The following GNAQ variants were observed in gnomAD, a reference collection of about 807,000 sequenced individuals.
GNAQ encodes G protein subunit alpha q, also known as guanine nucleotide-binding protein G(q) subunit alpha.
Under a neutral mutation model 43.9 loss-of-function variants are expected in GNAQ, and 8 were observed. The observed-to-expected ratio is 0.18, with a 90% CI of 0.11 to 0.33. The LOEUF (loss-of-function observed/expected upper bound fraction) is 0.33, where lower values mean the gene tolerates loss of function less well. GNAQ is among the 10% of genes least tolerant of loss of function. The probability of loss-of-function intolerance (pLI) is 1.00; values close to 1 mark genes in which losing one functional copy is unlikely to be tolerated. For missense variants in GNAQ, 158 were observed against 450.8 expected (o/e 0.35, Z 5.88); for synonymous variants, 155 against 170.7 (o/e 0.91, Z 0.71).
chr9:77,826,643 C>A (rs80066976), intron 2 of GNAQ, among the ~76,000 whole-genome samples: 2,330 of 152,314 alleles, frequency 0.015, 56 homozygotes, highest in African/African-American at 0.053. Context: ...GAGTCAAACA[C>A]ATTGAATCAA....
Position 77,862,008 on chromosome 9 carries a change from T to TG in GNAQ, c.322-46239_322-46238insC, listed in dbSNP as rs1323451666. ...GGACAGAGCAAGACTCTGTCTGGGG[T>TG]AAAAAAAAAAAAAAAAAAAAAAAGA... On this transcript the variant is annotated intron_variant, in intron 2 of 6. Transcript: ENST00000286548. 2.5e-4 allele frequency among the ~76,000 whole-genome samples: 29 copies of TG among 118,106 alleles called. 5 individuals carry two copies. Among genetic ancestry groups the TG allele is most frequent in the East Asian group, 5.0e-4 (2 of 3,962 alleles). 77.5% of individuals were successfully genotyped at this position (118,106 alleles called of 152,430 possible).
chr9:77,980,320 G>A (rs1483095768), intron 1 of GNAQ, among the ~76,000 whole-genome samples: 2 of 152,092 alleles, frequency 1.3e-5, no homozygotes, highest in African/African-American at 2.4e-5. Context: ...AGTGTCTCTC[G>A]AATTAGCCAC....
intron 3 of GNAQ, among the ~76,000 whole-genome samples, chr9:77,801,577 C>T (rs1247906042): frequency 6.6e-6 from 1 of 152,110 alleles, no homozygotes; most frequent in African/African-American, 2.4e-5. Flanking sequence ...TTTTGCTTTG[C>T]CTCAGTTGAA....
intron 1 of GNAQ, among the ~76,000 whole-genome samples, chr9:77,969,936 G>C (rs1290609817): frequency 6.6e-6 from 1 of 152,162 alleles, no homozygotes; most frequent in Non-Finnish European, 1.5e-5. Flanking sequence ...TCTGAACCTT[G>C]TTACGAAAGT....
chr9:77,994,990 C>T (rs1240073525), intron 1 of GNAQ, among the ~76,000 whole-genome samples: 1 of 152,128 alleles, frequency 6.6e-6, no homozygotes, highest in Non-Finnish European at 1.5e-5. Flanking sequence ...TTAGACTTTA[C>T]AAAGTGAGAA....
At chr9:77,789,081 G>A (rs577314290) in intron 5 of GNAQ, among the ~76,000 whole-genome samples, 1 of 152,206 alleles carries the variant, frequency 6.6e-6, no homozygotes, top group South Asian at 2.1e-4. Flanking sequence ...TAAATCTGTG[G>A]CCTACCATTA....
intron 2 of GNAQ, among the ~76,000 whole-genome samples, chr9:77,919,789 G>A (rs746621643): frequency 7.2e-5 from 11 of 152,078 alleles, no homozygotes; most frequent in Non-Finnish European, 1.2e-4. Context: ...ATATTGTAAC[G>A]TTTTATGATG....
chr9:77,842,542 CTA>C (rs1485657920), intron 2 of GNAQ, among the ~76,000 whole-genome samples: 1 of 152,132 alleles, frequency 6.6e-6, no homozygotes, highest in African/African-American at 2.4e-5. Flanking sequence ...TTTCTATTTG[CTA>C]TGTTTTGGAG....
At chr9:78,024,262 C>T (rs888292863) in intron 1 of GNAQ, among the ~76,000 whole-genome samples, 5 of 152,126 alleles carry the variant, frequency 3.3e-5, no homozygotes, top group African/African-American at 9.7e-5. Context: ...ATCTTTAAAA[C>T]GGAATTCCTT....
chr9:77,996,445 C>T (rs180916920), intron 1 of GNAQ, among the ~76,000 whole-genome samples: 2 of 152,026 alleles, frequency 1.3e-5, no homozygotes, highest in East Asian at 3.9e-4. Flanking sequence ...TTTGGGAAGC[C>T]GAGGCGGGCG....
chr9:77,921,775 A>G (rs1829000141), intron 2 of GNAQ, among the ~76,000 whole-genome samples: 1 of 152,166 alleles, frequency 6.6e-6, no homozygotes, highest in Non-Finnish European at 1.5e-5. Context: ...TCTTTTTTCA[A>G]TGTATTAAAA....
intron 1 of GNAQ, among the ~76,000 whole-genome samples, chr9:77,966,867 C>G (rs1374932391): frequency 2.0e-5 from 3 of 152,150 alleles, no homozygotes; most frequent in African/African-American, 7.2e-5. Flanking sequence ...CTCAGCAAGC[C>G]AAAGGCCTTT....
intron 5 of GNAQ, among the ~76,000 whole-genome samples, chr9:77,786,582 A>G (rs947157939): frequency 3.3e-5 from 5 of 152,120 alleles, no homozygotes; most frequent in Non-Finnish European, 7.3e-5. Flanking sequence ...GCATCTTTGC[A>G]TTGCACTATA....
intron 1 of GNAQ, among the ~76,000 whole-genome samples, chr9:78,001,420 A>G (rs1347594423): frequency 2.0e-5 from 3 of 152,100 alleles, no homozygotes; most frequent in African/African-American, 7.2e-5. Flanking sequence ...AAAGAGAAAT[A>G]GAAAGCAGTG....
chr9:77,998,644 A>G (rs1207717435), intron 1 of GNAQ, among the ~76,000 whole-genome samples: 2 of 152,244 alleles, frequency 1.3e-5, no homozygotes, highest in Non-Finnish European at 2.9e-5. Flanking sequence ...ATATCTATGA[A>G]CAAAAAGTAA....
At position 77,862,512 on chromosome 9, in the gene GNAQ, T is replaced by A. The variant is rs12551992; in HGVS notation, c.322-46742A>T. Among the ~76,000 whole-genome samples the A allele has an allele frequency of 0.014, 2,145 of 152,258 alleles. 88 individuals carry two copies. The East Asian group carries it at 0.15, about 11-fold the overall frequency. The stretch of plus-strand genomic sequence containing the variant: ...ACATCCCAAGTGGTACCTTGGCCCC[T>A]TTCAGCTACTAGTGGAGCAGCTGGG... On this transcript the variant is annotated intron_variant, in intron 2 of 6. Coordinates refer to ENST00000286548, the MANE Select transcript of GNAQ (RefSeq NM_002072.5).
intron 5 of GNAQ, among the ~76,000 whole-genome samples, chr9:77,767,174 G>A (rs138852567): frequency 6.6e-6 from 1 of 152,232 alleles, no homozygotes; most frequent in East Asian, 1.9e-4. Flanking sequence ...GAAAGGTATG[G>A]CGGCCCTCTA....
intron 2 of GNAQ, among the ~76,000 whole-genome samples, chr9:77,917,215 C>T (rs1486354115): frequency 2.0e-5 from 3 of 152,134 alleles, no homozygotes; most frequent in Non-Finnish European, 4.4e-5. Flanking sequence ...GATTCCAAAC[C>T]CTGAGATCCA....
intron 6 of GNAQ, among the ~76,000 whole-genome samples, chr9:77,725,982 A>C (rs1414983904): frequency 6.6e-6 from 1 of 152,064 alleles, no homozygotes; most frequent in Non-Finnish European, 1.5e-5. Context: ...GCTGATTCTT[A>C]CCAAGTTCCA....
Sources: allele counts gnomAD v4.1 joint callset (sites outside exome capture counted in the v4.1 genomes callset), GRCh38; gene constraint gnomAD v4.1.1; transcripts MANE v1.5; gene names NCBI Gene and HGNC (gene_info 2026-07-23, HGNC 2026-07-21).